Variants in IKBKB observed in about 807,000 individuals in gnomAD.
IKBKB encodes the protein inhibitor of nuclear factor kappa-B kinase subunit beta.
Under a neutral mutation model 113.6 loss-of-function variants are expected in IKBKB, and 42 were observed. That is an observed-to-expected ratio of 0.37 (90% confidence interval 0.29 to 0.48). The LOEUF is 0.48. Among genes scored for constraint, IKBKB ranks in the 20% least tolerant of loss-of-function variants. The probability of loss-of-function intolerance (pLI) is 0.99; values close to 1 mark genes in which losing one functional copy is unlikely to be tolerated. For synonymous variants in IKBKB, 296 were observed against 361.3 expected, an observed-to-expected ratio of 0.82 and a Z score of 2.05; for missense variants, 673 against 939.7, an observed-to-expected ratio of 0.72 and a Z score of 3.71.
At chr8:42,286,829 G>C (rs1450008256) in intron 2 of IKBKB, among the ~76,000 whole-genome samples, 1 of 152,222 alleles carries the variant, frequency 6.6e-6, no homozygotes, top group Non-Finnish European at 1.5e-5. Context: ...GTGAGCCACA[G>C]TAGAGTCTGG....
chr8:42,296,446 A>G (rs1431621765), intron 5 of IKBKB, among the ~76,000 whole-genome samples: 1 of 152,248 alleles, frequency 6.6e-6, no homozygotes, highest in Non-Finnish European at 1.5e-5. Flanking sequence ...CCTGGCCAAC[A>G]TGGTGAAACC....
chr8:42,331,031 C>CGGTGGGGGG lies in IKBKB; in HGVS notation c.*52_*53insGGTGGGGGG. 1.3e-6 allele frequency: 2 copies of CGGTGGGGGG among 1,597,356 alleles called. No homozygotes were observed. Among genetic ancestry groups the CGGTGGGGGG allele is most frequent in the East Asian group, 4.5e-5 (2 of 44,638 alleles). The stretch of plus-strand genomic sequence containing the variant: ...GGGGCAGCCCATAGCAGGCCTTGTG[C>CGGTGGGGGG]AGTGGGGGGACTCGACCCCCTGACA... On this transcript the variant is annotated 3_prime_UTR_variant, in exon 22 of 22. Coordinates refer to ENST00000520810, the MANE Select transcript of IKBKB (RefSeq NM_001556.3).
intron 2 of IKBKB, among the ~76,000 whole-genome samples, chr8:42,276,126 C>T (rs977427146): frequency 6.6e-6 from 1 of 152,224 alleles, no homozygotes; most frequent in Non-Finnish European, 1.5e-5. Context: ...CAGGTGTGAG[C>T]CACTGCGCTA....
At chr8:42,328,196 C>T (rs1821181432) in intron 20 of IKBKB, among the ~76,000 whole-genome samples, 2 of 151,716 alleles carry the variant, frequency 1.3e-5, no homozygotes, top group Admixed American at 1.3e-4. Context: ...ATCCGCCCGC[C>T]TTGGTCTCCC....
In IKBKB at chr8:42,331,590, A is replaced by G; in HGVS notation, c.*611A>G. 1.7e-6 allele frequency: 1 copy of G among 596,254 alleles called. No individual in the cohort carries two copies. The highest frequency in any genetic ancestry group is 3.0e-6 in the Non-Finnish European group (1 of 334,790). The allele number at this position is 596,254 out of a possible 1,614,324, so 36.9% of individuals were successfully genotyped here. On this transcript the variant is annotated 3_prime_UTR_variant, in exon 22 of 22. Coordinates refer to ENST00000520810, the MANE Select transcript of IKBKB (RefSeq NM_001556.3). ...TCCTCTTTTTATTTCACTGCTGCTA[A>G]AATTGTGTTTTTACCTACTACTTTG...
intron 8 of IKBKB, among the ~76,000 whole-genome samples, chr8:42,311,972 C>T (rs1817796079): frequency 6.6e-6 from 1 of 152,096 alleles, no homozygotes; most frequent in South Asian, 2.1e-4. Flanking sequence ...CTGCAAGCTC[C>T]GCCTCCCGGG....
In IKBKB at chr8:42,306,387, T is replaced by G. The variant is rs749952717; in HGVS notation, c.522T>G (p.Asp174Glu). ...ACCTAGGATATGCCAAGGAGCTGGA[T>G]CAGGGCAGTCTTTGCACATCATTCG... Reference protein sequence around the residue: ...IIDLGYAKELDQGSLCTSFVG... With the variant: ...IIDLGYAKELEQGSLCTSFVG... The change falls in exon 7 of 22, where the codon GAT becomes GAG. Residue 174 changes from aspartate (D) to glutamate (E), a missense_variant. Asp to Glu is a conservative substitution (Grantham distance 45, BLOSUM62 2). This residue lies in a region of IKBKB where 167 missense variants were observed against 301.0 expected (regional missense o/e 0.55). Coordinates refer to ENST00000520810, the MANE Select transcript of IKBKB (RefSeq NM_001556.3). 1.6e-5 allele frequency: 26 copies of G among 1,613,596 alleles called. No homozygotes were observed. The highest frequency in any genetic ancestry group is 2.2e-5 in the Non-Finnish European group (26 of 1,179,610).
At chr8:42,276,388 C>T (rs1403568678) in intron 2 of IKBKB, among the ~76,000 whole-genome samples, 1 of 152,176 alleles carries the variant, frequency 6.6e-6, no homozygotes, top group African/African-American at 2.4e-5. Flanking sequence ...ATCTGTATGT[C>T]TGAGAAATTC....
In IKBKB at chr8:42,329,214, G is replaced by C; in HGVS notation, c.2205G>C (p.Thr735=). ...TGAGGGAACAAGACCAGAGTTTCAC[G>C]GTAACAGCTTGTGTGAGACTCCTGC... is the stretch of plus-strand genomic sequence containing the variant. ...DTVREQDQSF[T]ALDWSWLQTE... is the part of the protein sequence containing the mutation. The change falls in exon 21 of 22, where the codon ACG becomes ACC. Residue 735 remains threonine (T), a splice_region_variant and synonymous_variant. Coordinates refer to ENST00000520810, the MANE Select transcript of IKBKB (RefSeq NM_001556.3). The C allele has an allele frequency of 6.3e-7, 1 of 1,576,400 alleles. No homozygotes were observed. The highest frequency in any genetic ancestry group is 8.6e-7 in the Non-Finnish European group (1 of 1,165,816).
At chr8:42,309,327 G>T in intron 8 of IKBKB, 2 of 436,820 alleles carry the variant, frequency 4.6e-6, no homozygotes, top group Non-Finnish European at 8.4e-6. Context: ...ATGAATATAC[G>T]CACTTACACT....
Position 42,319,428 on chromosome 8 carries a change from G to C in IKBKB, c.1516+7G>C. The C allele has an allele frequency of 6.2e-7, 1 of 1,614,070 alleles. No homozygotes were observed. The highest frequency in any genetic ancestry group is 1.1e-5 in the South Asian group (1 of 91,076). ...CAAACCGAGTTTGGGATCAGTGAGT[G>C]TGCACTTTGCAATGAGTTTAAAGAC... On this transcript the variant is annotated splice_region_variant and intron_variant, in intron 14 of 21. Transcript: ENST00000520810.
intron 5 of IKBKB, among the ~76,000 whole-genome samples, 191 bp from the exon 6 acceptor site, chr8:42,304,996 C>T (rs898078072): frequency 1.3e-5 from 2 of 152,250 alleles, no homozygotes; most frequent in Admixed American, 6.5e-5. Context: ...GAGTGCTTTG[C>T]GCAAGTAAGC....
At chr8:42,324,662 G>C (rs1820401817) in intron 19 of IKBKB, 1 of 152,370 alleles carries the variant, frequency 6.6e-6, no homozygotes, top group Admixed American at 6.5e-5. Flanking sequence ...TCTGGGATTT[G>C]GGGAAGTCCC....
At chr8:42,330,816 G>T (rs79200457) in intron 21 of IKBKB, 98 bp from the exon 22 acceptor site, 63,574 of 1,592,302 alleles carry the variant, frequency 0.04, 1,501 homozygotes, top group Non-Finnish European at 0.047. Flanking sequence ...CTGGGTTTTA[G>T]TATATTTCTC....
At chr8:42,284,813 G>A (rs989492407) in intron 2 of IKBKB, among the ~76,000 whole-genome samples, 6 of 151,366 alleles carry the variant, frequency 4.0e-5, no homozygotes, top group African/African-American at 1.5e-4. Context: ...GTACAGGGAG[G>A]TGTAACATGG....
chr8:42,329,054 T>G lies in IKBKB; in HGVS notation c.2115-70T>G, dbSNP rs145338279. On this transcript the variant is annotated intron_variant, in intron 20 of 21. Coordinates refer to ENST00000520810, the MANE Select transcript of IKBKB (RefSeq NM_001556.3). The stretch of plus-strand genomic sequence containing the variant: ...GTATTATCAAAACTCTCTAGCATAT[T>G]TTAAAATAGCAGTGTTAGCTCTGAT... 124 of 1,219,216 alleles carry G rather than the reference T, an allele frequency of 1.0e-4. No individual in the cohort carries two copies. The East Asian group carries it at 2.5e-3, about 24-fold the overall frequency. The allele number at this position is 1,219,216 out of a possible 1,614,324, so 75.5% of individuals were successfully genotyped here.
chr8:42,280,408 C>G (rs183442437), intron 2 of IKBKB, among the ~76,000 whole-genome samples: 17 of 152,252 alleles, frequency 1.1e-4, no homozygotes. Context: ...TCAATGAGAC[C>G]TTTGTTAAAT....
intron 5 of IKBKB, among the ~76,000 whole-genome samples, chr8:42,304,696 G>A (rs1306665726): frequency 6.6e-6 from 1 of 152,184 alleles, no homozygotes; most frequent in Non-Finnish European, 1.5e-5. Flanking sequence ...TATGACCATA[G>A]GACTCTGTCC....
chr8:42,299,955 G>A (rs966824164), intron 5 of IKBKB, among the ~76,000 whole-genome samples: 1 of 152,224 alleles, frequency 6.6e-6, no homozygotes, highest in African/African-American at 2.4e-5. Flanking sequence ...GCTGACTTCC[G>A]GGTTTGGGGC....
Sources: allele counts gnomAD v4.1 joint callset (sites outside exome capture counted in the v4.1 genomes callset), GRCh38; gene constraint gnomAD v4.1.1; regional missense constraint gnomAD v4.1.1; transcripts MANE v1.5; gene names NCBI Gene and HGNC (gene_info 2026-07-23, HGNC 2026-07-21).